MAPK10: variants seen among roughly 807,000 people sequenced by gnomAD.
MAPK10 encodes the protein mitogen-activated protein kinase 10, also known as JNK3 alpha protein kinase.
In MAPK10, 25 loss-of-function variants were observed where a neutral mutation model predicts 59.3. The ratio of observed to expected loss-of-function variants is 0.42; its 90% CI spans 0.31 to 0.59. The LOEUF (loss-of-function observed/expected upper bound fraction) is 0.59, where lower values mean the gene tolerates loss of function less well. Ranked by LOEUF, MAPK10 falls within the 20% of genes least tolerant of loss-of-function variation. MAPK10 has a pLI of 0.15. For missense variants in MAPK10, 351 were observed against 568.9 expected (o/e 0.62, Z 3.90); for synonymous variants, 190 against 200.5 (o/e 0.95, Z 0.44).
intron 11 of MAPK10, among the ~76,000 whole-genome samples, chr4:86,033,417 CATG>C (rs1302973503): frequency 2.0e-5 from 3 of 152,190 alleles, no homozygotes; most frequent in Non-Finnish European, 4.4e-5. Flanking sequence ...AGATCCAGCT[CATG>C]ATCCTGCCTG....
chr4:86,105,637 T>C (rs1337581539), intron 5 of MAPK10, among the ~76,000 whole-genome samples: 1 of 152,132 alleles, frequency 6.6e-6, no homozygotes, highest in Non-Finnish European at 1.5e-5. Flanking sequence ...TCCATCCTCC[T>C]TGGTATAACA....
At position 86,071,391 on chromosome 4, in the gene MAPK10, G is replaced by C. The variant is rs1284210171; in HGVS notation, c.803-3436C>G. 4.1e-5 allele frequency among the ~76,000 whole-genome samples: 5 copies of C among 122,962 alleles called. No individual in the cohort carries two copies. In the East Asian group the frequency reaches 1.1e-3, roughly 27 times the overall value. 80.7% of individuals were successfully genotyped at this position (122,962 alleles called of 152,430 possible). A position where few individuals can be genotyped will look rare whatever the true frequency, so the allele number is the denominator to read the frequency against. ...TCTTTTGCTGTGCAGAAGCTCTTTA[G>C]TTTAATTAGATCCCATTTGTCAATT... On this transcript the variant is annotated intron_variant, in intron 9 of 13. Transcript: ENST00000641462.
At chr4:86,051,160 A>C (rs1257687700) in intron 11 of MAPK10, among the ~76,000 whole-genome samples, 1 of 152,166 alleles carries the variant, frequency 6.6e-6, no homozygotes, top group Non-Finnish European at 1.5e-5. Flanking sequence ...AACCTGCAGC[A>C]AGTTATGGAA....
intron 9 of MAPK10, among the ~76,000 whole-genome samples, chr4:86,082,574 T>C (rs1353776509): frequency 6.6e-6 from 1 of 152,090 alleles, no homozygotes; most frequent in Non-Finnish European, 1.5e-5. Context: ...TCAAACCTTC[T>C]TGGAAGGCCA....
intron 2 of MAPK10, among the ~76,000 whole-genome samples, chr4:86,347,549 A>G (rs1286924389): frequency 6.6e-6 from 1 of 152,186 alleles, no homozygotes; most frequent in Non-Finnish European, 1.5e-5. Flanking sequence ...ATACAATACT[A>G]GAGTGTCTTA....
At chr4:86,456,344 C>A (rs947326359), upstream of MAPK10, among the ~76,000 whole-genome samples, 1 of 151,528 alleles carries the variant, frequency 6.6e-6, no homozygotes, top group African/African-American at 2.4e-5. Context: ...ACAACAACAA[C>A]AAAAAAGATA....
Position 86,265,345 on chromosome 4 carries a change from C to T in MAPK10, c.-6-70938G>A, listed in dbSNP as rs1351491996. Among the ~76,000 whole-genome samples the T allele has an allele frequency of 2.6e-5, 4 of 152,022 alleles. 1 individual carries two copies. In the East Asian group the frequency reaches 7.8e-4, roughly 30 times the overall value. On this transcript the variant is annotated intron_variant, in intron 2 of 13. Transcript: ENST00000641462. Reference sequence around the variant, plus strand: ...TCAACATGGCAAAACCCCATCTCTACTAAAAATACAAAATTTAGCCTGGCA... The same window carrying T: ...TCAACATGGCAAAACCCCATCTCTATTAAAAATACAAAATTTAGCCTGGCA...
chr4:86,088,183 G>T (rs1361554385), intron 9 of MAPK10, among the ~76,000 whole-genome samples: 1 of 151,986 alleles, frequency 6.6e-6, no homozygotes, highest in African/African-American at 2.4e-5. Flanking sequence ...TTGTTTGTTT[G>T]TCTGTTTGTT....
chr4:86,479,098 C>T (rs1228036952), intron 1 of MAPK10, among the ~76,000 whole-genome samples: 1 of 152,084 alleles, frequency 6.6e-6, no homozygotes, highest in Non-Finnish European at 1.5e-5. Flanking sequence ...TAGGTAGAGG[C>T]CTTTCCCACA....
chr4:86,359,256 T>C (rs1287813223), intron 1 of MAPK10, among the ~76,000 whole-genome samples: 2 of 56,302 alleles, frequency 3.6e-5, no homozygotes, highest in East Asian at 6.9e-4. Context: ...TTTGGTGTTT[T>C]TTTTTTCCTC....
At chr4:86,077,111 T>G (rs13112959) in intron 9 of MAPK10, among the ~76,000 whole-genome samples, 66,832 of 151,930 alleles carry the variant, frequency 0.44, 15,364 homozygotes, top group African/African-American at 0.56. Flanking sequence ...AGAGTTATAT[T>G]GTAAGAAGTT....
At chr4:86,128,407 C>T (rs1171884628) in intron 4 of MAPK10, among the ~76,000 whole-genome samples, 2 of 152,046 alleles carry the variant, frequency 1.3e-5, no homozygotes, top group African/African-American at 2.4e-5. Flanking sequence ...CCATCCTGTT[C>T]TCATGATAGT....
intron 2 of MAPK10, among the ~76,000 whole-genome samples, chr4:86,338,998 G>A (rs1168279381): frequency 6.6e-6 from 1 of 152,022 alleles, no homozygotes; most frequent in Non-Finnish European, 1.5e-5. Context: ...TCTTAAAAAT[G>A]CTAACTAATT....
At position 86,468,022 on chromosome 4, in the gene MAPK10, C is replaced by T. The variant is rs572834856; in HGVS notation, c.-262-113378G>A. On this transcript the variant is annotated intron_variant, in intron 1 of 4. Coordinates refer to the MAPK10 transcript ENST00000502302. ...TAGCTGAACTGCTTGCCCCGCCGGTCGGCCAGAACAAAATGCTTGCTAACC... is the reference window on the plus strand; with the variant it reads ...TAGCTGAACTGCTTGCCCCGCCGGTTGGCCAGAACAAAATGCTTGCTAACC... 2.6e-5 allele frequency among the ~76,000 whole-genome samples: 4 copies of T among 152,336 alleles called. No individual in the cohort carries two copies. In the South Asian group the frequency reaches 6.2e-4, roughly 24 times the overall value.
intron 2 of MAPK10, among the ~76,000 whole-genome samples, chr4:86,342,620 C>T (rs540979979): frequency 6.6e-6 from 1 of 152,256 alleles, no homozygotes; most frequent in South Asian, 2.1e-4. Context: ...TATGGAGAAA[C>T]CAAAGCTAAA....
intron 9 of MAPK10, among the ~76,000 whole-genome samples, chr4:86,092,481 A>G (rs1479648650): frequency 6.6e-6 from 1 of 152,072 alleles, no homozygotes; most frequent in African/African-American, 2.4e-5. Flanking sequence ...ATCTCCACTA[A>G]CAGAAAATGT....
At chr4:86,239,477 T>C (rs2092550327) in intron 2 of MAPK10, among the ~76,000 whole-genome samples, 1 of 152,144 alleles carries the variant, frequency 6.6e-6, no homozygotes, top group Admixed American at 6.5e-5. Flanking sequence ...CGTCTGGTCC[T>C]GGGCTTTTTT....
At position 86,184,663 on chromosome 4, in the gene MAPK10, G is replaced by A. The variant is rs187620790; in HGVS notation, c.66+9673C>T. ...AGTGAGTGAGTTCTTATGAGATCTGGTTGCTTAGAAGTGTGTGGCACCTTC... is the reference window on the plus strand; with the variant it reads ...AGTGAGTGAGTTCTTATGAGATCTGATTGCTTAGAAGTGTGTGGCACCTTC... On this transcript the variant is annotated intron_variant, in intron 3 of 13. Transcript: ENST00000641462. Among the ~76,000 whole-genome samples, 272 of 152,174 alleles carry A rather than the reference G, an allele frequency of 1.8e-3. 1 individual carries two copies. Among genetic ancestry groups the A allele is most frequent in the Non-Finnish European group, 2.6e-3 (178 of 67,996 alleles).
chr4:86,479,465 A>AC (rs989018968), intron 1 of MAPK10, among the ~76,000 whole-genome samples: 2 of 114,718 alleles, frequency 1.7e-5, no homozygotes, highest in Non-Finnish European at 3.7e-5. Flanking sequence ...CTTGGACTGC[A>AC]CCCCCCACCA....
Sources: gnomAD v4.1 joint callset for allele counts (sites outside exome capture counted in the v4.1 genomes callset) on GRCh38, gnomAD v4.1.1 for gene constraint, MANE v1.5 for transcripts, NCBI Gene and HGNC (gene_info 2026-07-23, HGNC 2026-07-21) for gene names.